The following CIMIP2A variants were observed in gnomAD, a reference collection of about 807,000 sequenced individuals.
The protein encoded by CIMIP2A is family with sequence similarity 166 member A.
chr9:137,248,475 G>A, the CIMIP2A span, among the ~76,000 whole-genome samples: 87 of 151,396 alleles, frequency 5.7e-4, no homozygotes, highest in African/African-American at 2.0e-3. Context: ...CCCAGGAGGT[G>A]GAGATTGCAA....
the CIMIP2A span, chr9:137,247,814 A>C: frequency 8.2e-7 from 1 of 1,218,504 alleles, no homozygotes; most frequent in Non-Finnish European, 1.2e-6. Flanking sequence ...GTGAGGGGCC[A>C]GCATTGTGGG....
the CIMIP2A span, chr9:137,253,637 C>T: frequency 4.9e-4 from 308 of 630,986 alleles, no homozygotes; most frequent in African/African-American, 5.3e-3. Flanking sequence ...TGTGACTGAC[C>T]CTGAGCTCTA....
the CIMIP2A span, chr9:137,244,741 G>T: frequency 6.2e-7 from 1 of 1,612,400 alleles, no homozygotes; most frequent in Non-Finnish European, 8.5e-7. Flanking sequence ...CATAGCCTGG[G>T]GGTAGGCAGA....
the CIMIP2A span, chr9:137,252,294 G>C: frequency 7.6e-7 from 1 of 1,309,742 alleles, no homozygotes; most frequent in Non-Finnish European, 1.1e-6. Context: ...CCTGGAGAGA[G>C]GAGGGCTAGG....
At chr9:137,254,520 G>C in the CIMIP2A span, among the ~76,000 whole-genome samples, 1 of 152,244 alleles carries the variant, frequency 6.6e-6, no homozygotes, top group South Asian at 2.1e-4. Context: ...AGGGCTTCCT[G>C]GAGGAGGTGG....
the CIMIP2A span, chr9:137,244,731 C>T: frequency 2.5e-6 from 4 of 1,613,048 alleles, no homozygotes; most frequent in South Asian, 2.2e-5. Flanking sequence ...ATGAAGCCAG[C>T]ATAGCCTGGG....
the CIMIP2A span, chr9:137,251,167 G>A: frequency 6.3e-6 from 5 of 799,674 alleles, no homozygotes; most frequent in East Asian, 1.0e-4. Context: ...GTCGGGGCCC[G>A]GGGCAGCCCC....
At chr9:137,246,308 C>T in the CIMIP2A span, among the ~76,000 whole-genome samples, 1 of 152,196 alleles carries the variant, frequency 6.6e-6, no homozygotes, top group Non-Finnish European at 1.5e-5. Context: ...CCCAGGAGGC[C>T]AGTAGCCTCC....
At chr9:137,250,083 G>C in the CIMIP2A span, 15 of 152,326 alleles carry the variant, frequency 9.8e-5, no homozygotes, top group Admixed American at 7.8e-4. Flanking sequence ...AGGACACCCA[G>C]CTTGGTGTGT....
At chr9:137,248,923 C>T in the CIMIP2A span, among the ~76,000 whole-genome samples, 293 of 151,868 alleles carry the variant, frequency 1.9e-3, 3 homozygotes, top group East Asian at 0.017. Flanking sequence ...AAAAAGTTTG[C>T]AGTAAGTGCT....
At chr9:137,245,245 C>T in the CIMIP2A span, 135 of 1,571,932 alleles carry the variant, frequency 8.6e-5, no homozygotes, top group Non-Finnish European at 1.0e-4. Flanking sequence ...GCGGAGGTCA[C>T]GGTGCAGCTC....
At chr9:137,253,082 C>T in the CIMIP2A span, 1 of 1,543,132 alleles carries the variant, frequency 6.5e-7, no homozygotes, top group Non-Finnish European at 8.8e-7. Context: ...GGGCTGCTAC[C>T]TGGGTGGGGC....
At chr9:137,252,588 G>T in the CIMIP2A span, 15 of 1,508,836 alleles carry the variant, frequency 9.9e-6, no homozygotes, top group Non-Finnish European at 1.3e-5. Context: ...GGGTTCCAGT[G>T]GGGCCAAAGG....
At chr9:137,252,928 G>A in the CIMIP2A span, 1 of 1,600,790 alleles carries the variant, frequency 6.2e-7, no homozygotes, top group Non-Finnish European at 8.5e-7. Flanking sequence ...CCTTCTCGAT[G>A]AGCCGCTCCC....
At chr9:137,244,095 G>A in the CIMIP2A span, 49 of 1,411,582 alleles carry the variant, frequency 3.5e-5, no homozygotes, top group Non-Finnish European at 4.7e-5. Flanking sequence ...AACCAGCAAT[G>A]AAGGGTGAGC....
chr9:137,243,853 C>A, the CIMIP2A span: 5 of 1,556,492 alleles, frequency 3.2e-6, no homozygotes, highest in Non-Finnish European at 4.4e-6. Context: ...GGCTGGACAC[C>A]CAGGCTTCAG....
the CIMIP2A span, chr9:137,251,604 CAG>C: frequency 8.7e-7 from 1 of 1,150,646 alleles, no homozygotes. Context: ...GGCTGAGGGA[CAG>C]TGTGGGGACA....
At chr9:137,252,270 C>T in the CIMIP2A span, 1 of 1,370,674 alleles carries the variant, frequency 7.3e-7, no homozygotes, top group Non-Finnish European at 1.0e-6. Flanking sequence ...CTAGGCTCAG[C>T]ACCTGTAAGG....
chr9:137,251,032 G>T, the CIMIP2A span: 1 of 498,724 alleles, frequency 2.0e-6, no homozygotes, highest in Non-Finnish European at 3.7e-6. Context: ...TGCAGGAGAG[G>T]GGAGAAGGCT....
Sources: allele counts gnomAD v4.1 joint callset (sites outside exome capture counted in the v4.1 genomes callset), GRCh38; gene constraint gnomAD v4.1.1; transcripts MANE v1.5; gene names NCBI Gene and HGNC (gene_info 2026-07-23, HGNC 2026-07-21).